NRG4: variants seen among roughly 807,000 people sequenced by gnomAD.
The protein encoded by NRG4 is pro-neuregulin-4, membrane-bound isoform.
NRG4 carries 10 observed loss-of-function variants against 15.0 expected under a neutral mutation model. That is an observed-to-expected ratio of 0.67 (90% CI 0.41 to 1.13). NRG4 has a LOEUF of 1.13. Ranked by LOEUF, NRG4 falls within the 50% of genes most tolerant of loss-of-function variation. NRG4 has a pLI of 0.00. For missense variants in NRG4, 139 were observed against 140.2 expected (o/e 0.99, Z 0.04); for synonymous variants, 41 against 50.1 (o/e 0.82, Z 0.77).
chr15:75,984,463 A>G lies in NRG4; in HGVS notation c.105-22489T>C, dbSNP rs546574075. On this transcript the variant is annotated intron_variant, in intron 3 of 5. Coordinates refer to ENST00000394907, the MANE Select transcript of NRG4 (RefSeq NM_138573.4). ...CATGGAACACTACACAACCATAAAAAAGAATGAGTTCATGTCCTTTGCAGG... is the reference window on the plus strand; with the variant it reads ...CATGGAACACTACACAACCATAAAAGAGAATGAGTTCATGTCCTTTGCAGG... Among the ~76,000 whole-genome samples, 3 of 152,344 alleles carry G rather than the reference A, an allele frequency of 2.0e-5. No individual in the cohort carries two copies. The East Asian group carries it at 5.8e-4, about 29-fold the overall frequency.
At chr15:76,009,679 T>C (rs1172222973) in intron 2 of NRG4, among the ~76,000 whole-genome samples, 3 of 152,188 alleles carry the variant, frequency 2.0e-5, no homozygotes, top group Non-Finnish European at 2.9e-5. Context: ...ATTTAAATTC[T>C]TGTTTTCCCT....
chr15:76,028,725 T>TC, intron 5 of NRG4, among the ~76,000 whole-genome samples: 1 of 151,704 alleles, frequency 6.6e-6, no homozygotes. Flanking sequence ...TGTAGTGAAT[T>TC]CCCCTCTCTA....
upstream of NRG4, among the ~76,000 whole-genome samples, chr15:76,013,988 A>G (rs893356032): frequency 3.3e-5 from 5 of 152,192 alleles, no homozygotes; most frequent in African/African-American, 1.2e-4. Flanking sequence ...ATTTCTTCAC[A>G]TCCTCTCCAG....
intron 5 of NRG4, among the ~76,000 whole-genome samples, chr15:76,032,787 A>T (rs2035506104): frequency 1.3e-5 from 2 of 152,250 alleles, no homozygotes; most frequent in African/African-American, 4.8e-5. Context: ...ATTGGAACAA[A>T]AAATTTTCTG....
intron 4 of NRG4, among the ~76,000 whole-genome samples, chr15:75,957,118 G>A (rs538266464): frequency 5.3e-5 from 8 of 151,956 alleles, no homozygotes; most frequent in Non-Finnish European, 1.2e-4. Flanking sequence ...AAGCTTATTT[G>A]CTATCATGTG....
chr15:75,955,238 CT>C (rs1248792424), intron 5 of NRG4, among the ~76,000 whole-genome samples: 1 of 152,108 alleles, frequency 6.6e-6, no homozygotes, highest in Non-Finnish European at 1.5e-5. Flanking sequence ...TCACCTTGAT[CT>C]TTTTGGACTC....
In NRG4 at chr15:76,004,709, C is replaced by G. The variant is rs139117138; in HGVS notation, c.104+4491G>C. Among the ~76,000 whole-genome samples the G allele has an allele frequency of 2.6e-3, 398 of 150,500 alleles. 1 individual carries two copies. Among genetic ancestry groups the G allele is most frequent in the African/African-American group, 8.5e-3 (348 of 40,972 alleles). ...GATAAGGCATATAGAAAATAAATAG[C>G]AAAATTACAAAAGCCCCTTCTTATC... On this transcript the variant is annotated intron_variant, in intron 3 of 5. Coordinates refer to ENST00000394907, the MANE Select transcript of NRG4 (RefSeq NM_138573.4).
At chr15:76,014,554 C>T (rs946230506), upstream of NRG4, among the ~76,000 whole-genome samples, 3 of 152,132 alleles carry the variant, frequency 2.0e-5, no homozygotes, top group Non-Finnish European at 4.4e-5. Flanking sequence ...TTTCAGTTTT[C>T]TGCATATGGC....
In NRG4 at chr15:75,977,950, G is replaced by A. The variant is rs369788400; in HGVS notation, c.105-15976C>T. ...TCCTGCCTCAGCCTCCCAAGTAGCTGGGATCACAGGTGCCTGCCACCATGC... is the reference window on the plus strand; with the variant it reads ...TCCTGCCTCAGCCTCCCAAGTAGCTAGGATCACAGGTGCCTGCCACCATGC... On this transcript the variant is annotated intron_variant, in intron 3 of 5. Transcript: ENST00000394907. This position sits in a 1 kb window ranked among gnomAD's most constrained non-coding sequence, Gnocchi z 4.9. Among the ~76,000 whole-genome samples the A allele has an allele frequency of 6.6e-6, 1 of 151,952 alleles. No homozygotes were observed. Among genetic ancestry groups the A allele is most frequent in the Admixed American group, 6.6e-5 (1 of 15,246 alleles).
At chr15:76,009,562 T>G (rs1485507319) in intron 2 of NRG4, among the ~76,000 whole-genome samples, 4 of 152,148 alleles carry the variant, frequency 2.6e-5, no homozygotes, top group Non-Finnish European at 2.9e-5. Context: ...ATATCTATAT[T>G]AGTTAGATTA....
chr15:76,056,041 A>G (rs1167130973), intron 2 of NRG4, among the ~76,000 whole-genome samples: 1 of 152,210 alleles, frequency 6.6e-6, no homozygotes, highest in African/African-American at 2.4e-5. Context: ...ATTTTTATTG[A>G]GAGCCTACTG....
intron 5 of NRG4, chr15:75,950,949 A>T (rs1317030091): frequency 1.0e-5 from 2 of 200,164 alleles, no homozygotes; most frequent in African/African-American, 4.6e-5. Flanking sequence ...CACCATGCCA[A>T]GATTTCTTCA....
At chr15:76,059,838 G>C (rs1207558768), upstream of NRG4, 1 of 145,454 alleles carries the variant, frequency 6.9e-6, no homozygotes, top group Admixed American at 6.8e-5. Flanking sequence ...GGGCGCAGGC[G>C]CGGGCTCGGC....
rs79941756 is a variant in NRG4 at position 75,960,029 on chromosome 15, G to A, written c.251+1799C>T. Among the ~76,000 whole-genome samples, 23 of 152,302 alleles carry A rather than the reference G, an allele frequency of 1.5e-4. No homozygotes were observed. In the East Asian group the frequency reaches 4.2e-3, roughly 28 times the overall value. On this transcript the variant is annotated intron_variant, in intron 4 of 5. Coordinates refer to ENST00000394907, the MANE Select transcript of NRG4 (RefSeq NM_138573.4). ...TCCATACTAATTACCTACAATAAGT[G>A]AGAAATAATCTTCTGTTTATTAAGC...
chr15:75,952,675 G>A (rs1368435618), intron 5 of NRG4, among the ~76,000 whole-genome samples: 3 of 151,036 alleles, frequency 2.0e-5, no homozygotes, highest in African/African-American at 4.9e-5. Flanking sequence ...CCTCCACTGC[G>A]GCCTCCCAAT....
At chr15:75,946,381 G>A (rs1316401023) in intron 5 of NRG4, among the ~76,000 whole-genome samples, 3 of 152,016 alleles carry the variant, frequency 2.0e-5, no homozygotes, top group Admixed American at 6.6e-5. Context: ...TTTTTGAGAC[G>A]AGGTCTCGCT....
At chr15:76,023,129 TCCACACACACACACACACACACAC>T (rs2035206669) in intron 5 of NRG4, among the ~76,000 whole-genome samples, 2 of 104,698 alleles carry the variant, frequency 1.9e-5, no homozygotes, top group African/African-American at 7.3e-5. Flanking sequence ...GCACCCATAC[TCCACACACACACACACACACACAC>T]ACACACACAC....
intron 4 of NRG4, among the ~76,000 whole-genome samples, chr15:75,960,890 G>T (rs2032481990): frequency 1.3e-5 from 2 of 152,232 alleles, no homozygotes; most frequent in South Asian, 2.1e-4. Context: ...CTACTGGATT[G>T]CTTAAATGAT....
intron 3 of NRG4, among the ~76,000 whole-genome samples, chr15:75,969,836 AAC>A (rs1555431595): frequency 2.0e-5 from 3 of 152,354 alleles, no homozygotes; most frequent in Admixed American, 6.5e-5. Context: ...TGCATAGCTA[AAC>A]AGAGGAGTTG....
Sources: allele counts gnomAD v4.1 joint callset (sites outside exome capture counted in the v4.1 genomes callset), GRCh38; gene constraint gnomAD v4.1.1; non-coding constraint Gnocchi (gnomAD v3.1); transcripts MANE v1.5; gene names NCBI Gene and HGNC (gene_info 2026-07-23, HGNC 2026-07-21).